ATP10B: variants seen among roughly 807,000 people sequenced by gnomAD.
ATP10B encodes ATPase phospholipid transporting 10B (putative).
In ATP10B, 122 loss-of-function variants were observed where a neutral mutation model predicts 141.2. The ratio of observed to expected loss-of-function variants is 0.86; its 90% CI spans 0.75 to 1.00. ATP10B has a LOEUF of 1.00. ATP10B is among the 50% of genes least tolerant of loss of function. The pLI, the probability that ATP10B is intolerant of heterozygous loss-of-function variation, is 0.00. For synonymous variants in ATP10B, 685 were observed against 692.0 expected (o/e 0.99, Z 0.16); for missense variants, 1,876 against 1,825.3 (o/e 1.03, Z -0.51).
At chr5:160,778,455 T>G (rs1770491230) in intron 2 of ATP10B, among the ~76,000 whole-genome samples, 2 of 152,166 alleles carry the variant, frequency 1.3e-5, no homozygotes, top group Admixed American at 6.5e-5. Context: ...AAACTCATAA[T>G]AGAGCAAAGA....
chr5:160,629,712 G>A (rs1758812518), intron 13 of ATP10B, among the ~76,000 whole-genome samples: 1 of 152,196 alleles, frequency 6.6e-6, no homozygotes, highest in Non-Finnish European at 1.5e-5. Flanking sequence ...ATAAACTCAT[G>A]AGCCAGAACA....
intron 11 of ATP10B, 35 bp downstream of exon 11, chr5:160,636,147 T>A: frequency 1.3e-6 from 2 of 1,565,076 alleles, no homozygotes; most frequent in Non-Finnish European, 1.7e-6. Context: ...TGGCCACATA[T>A]CTTATTGGGC....
At chr5:160,830,477 G>GT (rs1774982388) in intron 1 of ATP10B, among the ~76,000 whole-genome samples, 1 of 151,994 alleles carries the variant, frequency 6.6e-6, no homozygotes, top group Admixed American at 6.6e-5. Flanking sequence ...GATCAAATAG[G>GT]TTTAAGATTT....
intron 2 of ATP10B, among the ~76,000 whole-genome samples, chr5:160,783,553 T>C (rs1770906505): frequency 9.7e-6 from 1 of 103,350 alleles, no homozygotes; most frequent in South Asian, 3.2e-4. Context: ...ATATATCATA[T>C]ATATATGATA....
chr5:160,908,735 T>A, the ATP10B span, among the ~76,000 whole-genome samples: 1 of 152,292 alleles, frequency 6.6e-6, no homozygotes, highest in East Asian at 1.9e-4. Flanking sequence ...GAGATTGTGG[T>A]TATCATCATG....
chr5:160,564,207 C>T lies in ATP10B; in HGVS notation c.*1246G>A, dbSNP rs990855727. ...ACTAGCTTAAGGTGGCTCAGTAACC[C>T]TTTCTGGCTTATTTTACAAGACTAG... On this transcript the variant is annotated 3_prime_UTR_variant, in exon 26 of 26. Coordinates refer to ENST00000327245, the MANE Select transcript of ATP10B (RefSeq NM_025153.3). 8 of 152,156 alleles carry T rather than the reference C, an allele frequency of 5.3e-5. No homozygotes were observed. The highest frequency in any genetic ancestry group is 1.9e-4 in the African/African-American group (8 of 41,442). The allele number at this position is 152,156 out of a possible 1,614,324, so 9.4% of individuals were successfully genotyped here.
At chr5:160,829,364 T>C (rs556703421) in intron 1 of ATP10B, among the ~76,000 whole-genome samples, 19 of 152,198 alleles carry the variant, frequency 1.2e-4, no homozygotes, top group African/African-American at 3.9e-4. Flanking sequence ...TGCACGCTTA[T>C]AGTATGGCTT....
intron 25 of ATP10B, 93 bp from the exon 26 acceptor site, chr5:160,565,993 G>T: frequency 8.1e-7 from 1 of 1,227,508 alleles, no homozygotes; most frequent in Non-Finnish European, 1.1e-6. Context: ...CCAACTCCCT[G>T]CCTGGAGCAA....
At chr5:160,587,409 A>G (rs1057034729) in intron 24 of ATP10B, among the ~76,000 whole-genome samples, 2 of 152,200 alleles carry the variant, frequency 1.3e-5, no homozygotes, top group African/African-American at 4.8e-5. Flanking sequence ...TTTCTTGGGT[A>G]TATGAGCTCA....
At chr5:160,886,870 G>A in the ATP10B span, among the ~76,000 whole-genome samples, 2 of 152,090 alleles carry the variant, frequency 1.3e-5, no homozygotes, top group African/African-American at 4.8e-5. Flanking sequence ...TGCTATGTGA[G>A]GTGACTATTA....
In ATP10B at chr5:160,573,831, T is replaced by C. The variant is rs149712218; in HGVS notation, c.3751-4148A>G. On this transcript the variant is annotated intron_variant, in intron 24 of 25. Transcript: ENST00000327245. ...AAGACATAGCTCTAGTAGGTTCATTTTAACTATTACATGGTATGAACAGGC... is the reference window on the plus strand; with the variant it reads ...AAGACATAGCTCTAGTAGGTTCATTCTAACTATTACATGGTATGAACAGGC... Among the ~76,000 whole-genome samples, 1,507 of 152,312 alleles carry C rather than the reference T, an allele frequency of 9.9e-3. 25 individuals carry two copies. The highest frequency in any genetic ancestry group is 0.033 in the African/African-American group (1,371 of 41,560).
intron 8 of ATP10B, among the ~76,000 whole-genome samples, chr5:160,645,018 G>A (rs751890974): frequency 4.6e-5 from 7 of 151,736 alleles, no homozygotes; most frequent in Non-Finnish European, 8.8e-5. Context: ...TTGGGAGGCT[G>A]AGGCAGGAGA....
the ATP10B span, among the ~76,000 whole-genome samples, chr5:160,908,411 TG>T: frequency 2.0e-5 from 3 of 152,160 alleles, no homozygotes; most frequent in Non-Finnish European, 4.4e-5. Context: ...CCATAGTCAT[TG>T]AACTAGTAAG....
chr5:160,655,758 T>C (rs546719599), intron 7 of ATP10B, among the ~76,000 whole-genome samples: 21 of 152,330 alleles, frequency 1.4e-4, no homozygotes, highest in Non-Finnish European at 3.1e-4. Context: ...CTTCCGTTCA[T>C]TCATGCGTGC....
intron 1 of ATP10B, among the ~76,000 whole-genome samples, chr5:160,817,289 G>A (rs1001712602): frequency 1.3e-5 from 2 of 152,088 alleles, no homozygotes; most frequent in Admixed American, 6.6e-5. Flanking sequence ...TAAGCTGATA[G>A]GCAACTTCAA....
At chr5:160,828,691 G>T (rs1774819866) in intron 1 of ATP10B, among the ~76,000 whole-genome samples, 2 of 151,876 alleles carry the variant, frequency 1.3e-5, no homozygotes, top group African/African-American at 4.9e-5. Flanking sequence ...ATTTGATCCA[G>T]CCATCCCATT....
chr5:160,896,322 G>A, the ATP10B span, among the ~76,000 whole-genome samples: 2 of 151,740 alleles, frequency 1.3e-5, no homozygotes, highest in Non-Finnish European at 1.5e-5. Flanking sequence ...TATTAAGAGA[G>A]AAAAATCAAA....
intron 7 of ATP10B, among the ~76,000 whole-genome samples, chr5:160,668,396 T>C (rs6556509): frequency 0.023 from 3,436 of 152,206 alleles, 136 homozygotes; most frequent in African/African-American, 0.078. Flanking sequence ...TTTATACATT[T>C]CTCATTGTTA....
chr5:160,638,298 C>T (rs567706194), intron 10 of ATP10B, among the ~76,000 whole-genome samples: 2 of 152,226 alleles, frequency 1.3e-5, no homozygotes, highest in East Asian at 3.9e-4. Flanking sequence ...ATTCTGGTTT[C>T]CCTGTGCCTT....
Sources: gnomAD v4.1 joint callset for allele counts (sites outside exome capture counted in the v4.1 genomes callset) on GRCh38, gnomAD v4.1.1 for gene constraint, MANE v1.5 for transcripts, NCBI Gene and HGNC (gene_info 2026-07-23, HGNC 2026-07-21) for gene names.